Variants in DDX60 observed in about 807,000 individuals in gnomAD.
DDX60 encodes the protein probable ATP-dependent RNA helicase DDX60.
DDX60 carries 165 observed loss-of-function variants against 212.8 expected under a neutral mutation model. The ratio of observed to expected loss-of-function variants is 0.78; its 90% CI spans 0.68 to 0.88. DDX60 has a LOEUF of 0.88. Among genes scored for constraint, DDX60 ranks in the 40% least tolerant of loss-of-function variants. DDX60 has a pLI of 0.00. For missense variants in DDX60, 1,905 were observed against 2,003.9 expected, an observed-to-expected ratio of 0.95 and a Z score of 0.94; for synonymous variants, 703 against 685.3, an observed-to-expected ratio of 1.03 and a Z score of -0.40.
At chr4:168,277,107 G>A (rs1012973628) in intron 14 of DDX60, among the ~76,000 whole-genome samples, 1 of 152,202 alleles carries the variant, frequency 6.6e-6, no homozygotes, top group African/African-American at 2.4e-5. Flanking sequence ...CATTTCACTT[G>A]CCGTGAGTTT....
Position 168,267,866 on chromosome 4 carries a change from T to C in DDX60, c.2904A>G (p.Val968=). The C allele has an allele frequency of 1.2e-6, 2 of 1,612,720 alleles. No individual in the cohort carries two copies. Among genetic ancestry groups the C allele is most frequent in the Non-Finnish European group, 1.7e-6 (2 of 1,179,336 alleles). ...CAAGTCTAACTTTATACGATTGTTT[T>C]ACTTGCAAGTAGTCTTTGGGAAAGC... The part of the protein sequence containing the change: ...QAGFPKDYLQ[V]KQSYKVRLVL... Residue 968 remains valine, a synonymous_variant, in exon 21 of 38, where the codon GTA becomes GTG. Transcript: ENST00000393743.
At chr4:168,292,836 G>A (rs888982608) in intron 7 of DDX60, among the ~76,000 whole-genome samples, 1 of 152,146 alleles carries the variant, frequency 6.6e-6, no homozygotes, top group African/African-American at 2.4e-5. Flanking sequence ...AAATTCCAGA[G>A]AGGCAGATTT....
intron 19 of DDX60, among the ~76,000 whole-genome samples, chr4:168,271,310 G>T (rs776312230): frequency 1.3e-5 from 2 of 152,110 alleles, no homozygotes; most frequent in African/African-American, 4.8e-5. Flanking sequence ...TAGACACTTC[G>T]TCAAAAGGAC....
At position 168,262,754 on chromosome 4, in the gene DDX60, G is replaced by C. The variant is rs1325066020; in HGVS notation, c.3073C>G (p.Leu1025Val). ...ERYGFPPDLT[L>V]SPRESIQLYD... is the part of the protein sequence containing the mutation. ...AGCTGGATGCTTTCTCGAGGTGAAA[G>C]GGTAAGATCAGGAGGGAATCCATAC... Residue 1025 changes from leucine (L) to valine (V), a missense_variant, in exon 23 of 38, where the codon CTT becomes GTT. Transcript: ENST00000393743. 6 of 1,612,044 alleles carry C rather than the reference G, an allele frequency of 3.7e-6. No homozygotes were observed. The highest frequency in any genetic ancestry group is 5.1e-6 in the Non-Finnish European group (6 of 1,178,998).
At chr4:168,303,991 A>T (rs1197622256) in intron 5 of DDX60, among the ~76,000 whole-genome samples, 1 of 152,114 alleles carries the variant, frequency 6.6e-6, no homozygotes, top group Non-Finnish European at 1.5e-5. Context: ...CCAAAAAAAC[A>T]ACAATAAAAA....
chr4:168,221,628 C>T (rs747817840), intron 36 of DDX60, 102 bp downstream of exon 36: 2 of 1,306,824 alleles, frequency 1.5e-6, no homozygotes, highest in Admixed American at 2.4e-5. Context: ...TTAACCTGCA[C>T]TTGAAACTGT....
At chr4:168,296,287 A>G (rs1005523808) in intron 6 of DDX60, among the ~76,000 whole-genome samples, 1 of 152,084 alleles carries the variant, frequency 6.6e-6, no homozygotes, top group Non-Finnish European at 1.5e-5. Flanking sequence ...AATCAAAAAT[A>G]TTTTTTTAAT....
intron 1 of DDX60, among the ~76,000 whole-genome samples, chr4:168,317,105 A>G (rs148110468): frequency 6.6e-6 from 1 of 151,738 alleles, no homozygotes; most frequent in Non-Finnish European, 1.5e-5. Context: ...GAAAACCTGA[A>G]TCTGATCAAA....
intron 30 of DDX60, among the ~76,000 whole-genome samples, chr4:168,245,017 C>T (rs1486570577): frequency 6.6e-6 from 1 of 152,036 alleles, no homozygotes; most frequent in Non-Finnish European, 1.5e-5. Context: ...TTAAAAAATA[C>T]CTGAGCATTG....
intron 13 of DDX60, among the ~76,000 whole-genome samples, chr4:168,282,476 T>C (rs1553968883): frequency 6.6e-6 from 1 of 152,202 alleles, no homozygotes; most frequent in Non-Finnish European, 1.5e-5. Context: ...TTGAGGTCTT[T>C]ATATGTTCCA....
chr4:168,244,225 T>C (rs1733946211), intron 30 of DDX60, among the ~76,000 whole-genome samples: 1 of 152,118 alleles, frequency 6.6e-6, no homozygotes, highest in Non-Finnish European at 1.5e-5. Context: ...AACCTGCACA[T>C]CCTGCACATG....
upstream of DDX60, among the ~76,000 whole-genome samples, chr4:168,323,399 G>A (rs1234900478): frequency 6.6e-6 from 1 of 152,190 alleles, no homozygotes; most frequent in Non-Finnish European, 1.5e-5. Flanking sequence ...ATGCATGCAT[G>A]TAGCAGTGGT....
chr4:168,273,385 TG>T lies in DDX60; in HGVS notation c.2467del (p.Gln823LysfsTer33). The T allele has an allele frequency of 6.2e-7, 1 of 1,613,806 alleles. No individual in the cohort carries two copies. Among genetic ancestry groups the T allele is most frequent in the African/African-American group, 1.3e-5 (1 of 75,048 alleles). On this transcript the variant is annotated frameshift_variant, in exon 18 of 38. Coordinates refer to ENST00000393743, the MANE Select transcript of DDX60 (RefSeq NM_017631.6). LOFTEE classifies it high-confidence loss of function. ...YVAPTKALVN[Q>X]VAATVQNRFT... ...ACGATTCTGAACAGTTGCTGCCACT[TG>T]ATTAACAAGGGCCTGATTGACAAAG...
upstream of DDX60, among the ~76,000 whole-genome samples, chr4:168,320,663 A>G (rs932085193): frequency 6.6e-6 from 1 of 152,210 alleles, no homozygotes; most frequent in Non-Finnish European, 1.5e-5. Flanking sequence ...GAAATGAATA[A>G]CATATTTGCA....
At chr4:168,297,010 A>C (rs1736373806) in intron 6 of DDX60, among the ~76,000 whole-genome samples, 2 of 151,522 alleles carry the variant, frequency 1.3e-5, no homozygotes, top group South Asian at 2.1e-4. Context: ...CTCCAGGTTC[A>C]CGCGATTCTC....
At chr4:168,297,343 AAAGAAAG>A (rs1213339840) in intron 6 of DDX60, among the ~76,000 whole-genome samples, 2 of 94,366 alleles carry the variant, frequency 2.1e-5, no homozygotes, top group Non-Finnish European at 3.9e-5. Flanking sequence ...AGAAAGAAAG[AAAGAAAG>A]AAAGAAAGAA....
At chr4:168,308,846 C>T (rs966046079) in intron 3 of DDX60, among the ~76,000 whole-genome samples, 3 of 151,294 alleles carry the variant, frequency 2.0e-5, no homozygotes, top group Non-Finnish European at 2.9e-5. Flanking sequence ...ACTCTCAAAC[C>T]GTGCAGCCTA....
At position 168,273,935 on chromosome 4, in the gene DDX60, T is replaced by C; in HGVS notation, c.2453A>G (p.Lys818Arg). 6.2e-7 allele frequency: 1 copy of C among 1,613,514 alleles called. No individual in the cohort carries two copies. Among genetic ancestry groups the C allele is most frequent in the Non-Finnish European group, 8.5e-7 (1 of 1,179,626 alleles). ...ATATTATAGTCACTTGAGCACTACC[T>C]TTGTGGGTGCAACGTACACGACCAC... is the stretch of plus-strand genomic sequence containing the variant. Reference protein sequence around the residue: ...DGVVVYVAPTKALVNQVAATV... With the variant: ...DGVVVYVAPTRALVNQVAATV... Residue 818 changes from lysine (K) to arginine (R), a missense_variant and splice_region_variant, in exon 17 of 38, where the codon AAG becomes AGG. Lys to Arg is a conservative substitution (Grantham distance 26). Coordinates refer to ENST00000393743, the MANE Select transcript of DDX60 (RefSeq NM_017631.6).
At chr4:168,293,261 G>A (rs551864792) in intron 7 of DDX60, among the ~76,000 whole-genome samples, 4 of 152,324 alleles carry the variant, frequency 2.6e-5, no homozygotes, top group South Asian at 4.1e-4. Flanking sequence ...CTAGGATGAC[G>A]CCAAGACACT....
Sources: gnomAD v4.1 joint callset for allele counts (sites outside exome capture counted in the v4.1 genomes callset) on GRCh38, gnomAD v4.1.1 for gene constraint, MANE v1.5 for transcripts, NCBI Gene and HGNC (gene_info 2026-07-23, HGNC 2026-07-21) for gene names.